DGKB: variants seen among roughly 807,000 people sequenced by gnomAD.
DGKB encodes diacylglycerol kinase beta, also known as 90 kDa diacylglycerol kinase.
In DGKB, 67 loss-of-function variants were observed where a neutral mutation model predicts 114.3. The observed-to-expected ratio is 0.59, with a 90% CI of 0.48 to 0.72. The LOEUF (loss-of-function observed/expected upper bound fraction) is 0.72, where lower values mean the gene tolerates loss of function less well. DGKB is among the 30% of genes least tolerant of loss of function. The probability of loss-of-function intolerance (pLI) is 0.00; values close to 1 mark genes in which losing one functional copy is unlikely to be tolerated. For missense variants in DGKB, 907 were observed against 975.2 expected (o/e 0.93, Z 0.93); for synonymous variants, 398 against 323.1 (o/e 1.23, Z -2.49).
At chr7:14,167,711 A>G (rs1046651854) in intron 25 of DGKB, among the ~76,000 whole-genome samples, 1 of 151,590 alleles carries the variant, frequency 6.6e-6, no homozygotes, top group African/African-American at 2.4e-5. Context: ...ACATCTGAAT[A>G]ACATTGCAAA....
At chr7:14,223,499 G>C (rs1273727470) in intron 23 of DGKB, among the ~76,000 whole-genome samples, 1 of 151,474 alleles carries the variant, frequency 6.6e-6, no homozygotes, top group Non-Finnish European at 1.5e-5. Context: ...ATATAATTTT[G>C]TATCTTTTAC....
chr7:14,185,528 A>C (rs1254093202), intron 23 of DGKB, among the ~76,000 whole-genome samples: 1 of 152,210 alleles, frequency 6.6e-6, no homozygotes, highest in East Asian at 1.9e-4. Flanking sequence ...TCTAAAAATC[A>C]TATAGAACCA....
chr7:14,618,160 G>C (rs553305726), intron 15 of DGKB, among the ~76,000 whole-genome samples: 6 of 150,818 alleles, frequency 4.0e-5, no homozygotes, highest in African/African-American at 1.5e-4. Context: ...ATACATCAAA[G>C]AAAGTGAATT....
At chr7:14,667,649 T>C (rs62448674) in intron 13 of DGKB, among the ~76,000 whole-genome samples, 1 of 152,034 alleles carries the variant, frequency 6.6e-6, no homozygotes, top group Admixed American at 6.6e-5. Flanking sequence ...CTACAGGTCA[T>C]GCAGTGTGAA....
chr7:14,261,774 T>C (rs994730910), intron 23 of DGKB, among the ~76,000 whole-genome samples: 2 of 152,204 alleles, frequency 1.3e-5, no homozygotes, highest in African/African-American at 4.8e-5. Flanking sequence ...GAATTTTATA[T>C]GGTAGAATTC....
At chr7:14,583,028 A>G in intron 18 of DGKB, 24 bp downstream of exon 18, 1 of 1,483,602 alleles carries the variant, frequency 6.7e-7, no homozygotes, top group Non-Finnish European at 9.4e-7. Context: ...CTCCCCAGCC[A>G]TATTAAGTAT....
intron 1 of DGKB, among the ~76,000 whole-genome samples, chr7:14,892,738 A>G (rs1254447306): frequency 2.0e-5 from 3 of 151,008 alleles, no homozygotes; most frequent in Admixed American, 6.6e-5. Flanking sequence ...AAAATCCAGA[A>G]ATATCCCTAA....
chr7:14,285,992 T>C lies in DGKB; in HGVS notation c.2122+52523A>G, dbSNP rs571263422. Among the ~76,000 whole-genome samples, 13 of 152,256 alleles carry C rather than the reference T, an allele frequency of 8.5e-5. No homozygotes were observed. The South Asian group carries it at 1.0e-3, about 12-fold the overall frequency. ...ATCAATAGATCAGTATAGGTTTTTG[T>C]TGTAGTTGTTTTCTAACTCCCTTTA... On this transcript the variant is annotated intron_variant, in intron 23 of 25. Transcript: ENST00000402815.
chr7:14,693,926 A>G, intron 9 of DGKB, 149 bp downstream of exon 9: 1 of 782,714 alleles, frequency 1.3e-6, no homozygotes, highest in Non-Finnish European at 2.0e-6. Flanking sequence ...GTTACTGTCA[A>G]ATTGCACCGT....
intron 2 of DGKB, among the ~76,000 whole-genome samples, chr7:14,839,744 C>A (rs1361971287): frequency 6.6e-6 from 1 of 151,918 alleles, no homozygotes; most frequent in Non-Finnish European, 1.5e-5. Flanking sequence ...GTGTGAGAAC[C>A]ATAAGTTATG....
chr7:14,883,721 G>T (rs1354135045), intron 1 of DGKB, among the ~76,000 whole-genome samples: 1 of 151,910 alleles, frequency 6.6e-6, no homozygotes, highest in South Asian at 2.1e-4. Flanking sequence ...GGCTTAATTG[G>T]CATTTTGCAC....
chr7:14,398,278 T>C (rs970680996), intron 21 of DGKB, among the ~76,000 whole-genome samples: 49 of 151,994 alleles, frequency 3.2e-4, no homozygotes, highest in African/African-American at 1.1e-3. Context: ...AAATAAATGG[T>C]CTTCTATGTT....
chr7:14,709,114 T>C (rs1478688297), intron 6 of DGKB, among the ~76,000 whole-genome samples: 1 of 149,034 alleles, frequency 6.7e-6, no homozygotes, highest in Non-Finnish European at 1.5e-5. Flanking sequence ...CAAACAAATT[T>C]ACAAGAAAAA....
chr7:14,543,147 A>G (rs1016369728), intron 20 of DGKB, among the ~76,000 whole-genome samples: 8 of 152,176 alleles, frequency 5.3e-5, no homozygotes, highest in African/African-American at 1.9e-4. Context: ...TGAAAAGGAT[A>G]TGTTTGTCAA....
At chr7:14,771,552 C>A (rs552855567) in intron 2 of DGKB, among the ~76,000 whole-genome samples, 2 of 151,922 alleles carry the variant, frequency 1.3e-5, no homozygotes, top group South Asian at 4.2e-4. Context: ...TTTTTTCTTG[C>A]CCAAATTCTT....
At chr7:14,291,365 A>G (rs529720458) in intron 23 of DGKB, among the ~76,000 whole-genome samples, 1 of 152,240 alleles carries the variant, frequency 6.6e-6, no homozygotes, top group Admixed American at 6.5e-5. Context: ...CTTTCTTGCA[A>G]ATTCAAGGGA....
chr7:14,312,624 G>T (rs1458905621), intron 23 of DGKB, among the ~76,000 whole-genome samples: 1 of 152,146 alleles, frequency 6.6e-6, no homozygotes, highest in South Asian at 2.1e-4. Flanking sequence ...TGTGATACTT[G>T]TTTAAAGAAA....
intron 6 of DGKB, among the ~76,000 whole-genome samples, chr7:14,710,493 T>C (rs190125044): frequency 2.0e-5 from 3 of 152,242 alleles, no homozygotes; most frequent in Non-Finnish European, 4.4e-5. Flanking sequence ...GGATTTTTCT[T>C]GCCTTATTGC....
chr7:14,926,543 G>C (rs1784763250), intron 1 of DGKB, among the ~76,000 whole-genome samples: 1 of 150,052 alleles, frequency 6.7e-6, no homozygotes, highest in Non-Finnish European at 1.5e-5. Flanking sequence ...TGAAGAATAA[G>C]CTTCTCTATC....
Sources: allele counts gnomAD v4.1 joint callset (sites outside exome capture counted in the v4.1 genomes callset), GRCh38; gene constraint gnomAD v4.1.1; transcripts MANE v1.5; gene names NCBI Gene and HGNC (gene_info 2026-07-23, HGNC 2026-07-21).